USP15: variants seen among roughly 807,000 people sequenced by gnomAD.
USP15 encodes ubiquitin specific peptidase 15, also known as ubiquitin carboxyl-terminal hydrolase 15.
In USP15, 18 loss-of-function variants were observed where a neutral mutation model predicts 127.1. The observed-to-expected ratio is 0.14, with a 90% CI of 0.10 to 0.21. The LOEUF (loss-of-function observed/expected upper bound fraction) is 0.21. USP15 is among the 10% of genes least tolerant of loss of function. The probability of loss-of-function intolerance (pLI) is 1.00; values close to 1 mark genes in which losing one functional copy is unlikely to be tolerated. For missense variants in USP15, 805 were observed against 1,159.9 expected (o/e 0.69, Z 4.44); for synonymous variants, 364 against 393.7 (o/e 0.92, Z 0.89).
At chr12:62,293,931 G>T (rs569475250) in intron 1 of USP15, among the ~76,000 whole-genome samples, 2 of 151,974 alleles carry the variant, frequency 1.3e-5, no homozygotes, top group East Asian at 3.9e-4. Flanking sequence ...GCATTTTCTT[G>T]AATACGTATA....
intron 6 of USP15, chr12:62,335,213 C>A (rs746162888): frequency 1.3e-6 from 2 of 1,535,476 alleles, no homozygotes; most frequent in South Asian, 1.2e-5. Context: ...TTTCCACATA[C>A]GTCACAGAAA....
At chr12:62,295,213 A>T (rs1441108770) in intron 2 of USP15, among the ~76,000 whole-genome samples, 5 of 152,234 alleles carry the variant, frequency 3.3e-5, no homozygotes, top group African/African-American at 1.2e-4. Flanking sequence ...CCAAGGTCAG[A>T]CAAGGTACCA....
At chr12:62,395,280 G>C (rs2067451723) in intron 19 of USP15, among the ~76,000 whole-genome samples, 1 of 152,094 alleles carries the variant, frequency 6.6e-6, no homozygotes, top group African/African-American at 2.4e-5. Context: ...AGTGATGACT[G>C]TTTTTCCTGG....
At chr12:62,401,518 A>G (rs1283996998) in intron 21 of USP15, among the ~76,000 whole-genome samples, 1 of 152,012 alleles carries the variant, frequency 6.6e-6, no homozygotes. Flanking sequence ...AGTTTTCAAC[A>G]TGGAGTTTCT....
chr12:62,294,409 A>G (rs1592519549), intron 2 of USP15, 103 bp downstream of exon 2: 9 of 1,357,770 alleles, frequency 6.6e-6, no homozygotes, highest in Non-Finnish European at 9.0e-6. Context: ...TAAGTTGATA[A>G]AGTTTTGCAT....
At position 62,391,818 on chromosome 12, in the gene USP15, A is replaced by G; in HGVS notation, c.2236A>G (p.Arg746Gly). The G allele has an allele frequency of 6.2e-7, 1 of 1,604,680 alleles. No individual in the cohort carries two copies. ...AAAAAATATGTTTTCCACCTTAGAA[A>G]GATCTTTTCTTGCTTTGGATTGGGA... ...FDDRQLRLDE[R>G]SFLALDWDPD... The change falls in exon 17 of 22, where the codon AGA (arginine) becomes GGA (glycine). Residue 746 changes from arginine to glycine, a missense_variant and splice_region_variant. Coordinates refer to ENST00000280377, the MANE Select transcript of USP15 (RefSeq NM_001252078.2).
chr12:62,298,700 T>C (rs2064208935), intron 2 of USP15, among the ~76,000 whole-genome samples: 1 of 151,598 alleles, frequency 6.6e-6, no homozygotes, highest in Non-Finnish European at 1.5e-5. Flanking sequence ...GGTGGTGGCA[T>C]ACACCTGTAG....
At chr12:62,368,879 G>A (rs1169568790) in intron 8 of USP15, among the ~76,000 whole-genome samples, 8 of 152,168 alleles carry the variant, frequency 5.3e-5, no homozygotes, top group Admixed American at 4.6e-4. Context: ...CCCATTGGTT[G>A]ATGCTGTTTT....
intron 1 of USP15, among the ~76,000 whole-genome samples, chr12:62,288,751 T>A (rs1393275138): frequency 2.0e-5 from 3 of 152,186 alleles, no homozygotes; most frequent in African/African-American, 7.2e-5. Context: ...CTTTTATTAT[T>A]TTGAGATATG....
intron 6 of USP15, among the ~76,000 whole-genome samples, chr12:62,348,338 C>T (rs528477759): frequency 9.9e-5 from 15 of 152,082 alleles, no homozygotes; most frequent in Non-Finnish European, 2.2e-4. Context: ...CACCTAAAAG[C>T]AAATTTTGTA....
At chr12:62,395,526 A>G (rs2067460011) in intron 19 of USP15, among the ~76,000 whole-genome samples, 1 of 151,892 alleles carries the variant, frequency 6.6e-6, no homozygotes, top group African/African-American at 2.4e-5. Flanking sequence ...AGTTATTTTT[A>G]AATGTATAAT....
intron 1 of USP15, among the ~76,000 whole-genome samples, chr12:62,276,940 T>C (rs1482622560): frequency 9.9e-5 from 15 of 152,176 alleles, no homozygotes. Context: ...GTGTTTGTAA[T>C]TAGTTTTCTT....
intron 8 of USP15, among the ~76,000 whole-genome samples, chr12:62,361,943 TA>T (rs374180834): frequency 7.9e-5 from 12 of 152,206 alleles, no homozygotes; most frequent in African/African-American, 2.6e-4. Flanking sequence ...AAACCCATAT[TA>T]AAACATTAAC....
chr12:62,264,362 C>T (rs527510029), intron 1 of USP15, among the ~76,000 whole-genome samples: 3 of 152,296 alleles, frequency 2.0e-5, no homozygotes, highest in Admixed American at 6.5e-5. Context: ...AGCACTGCTT[C>T]GTTTCCACCA....
intron 1 of USP15, among the ~76,000 whole-genome samples, chr12:62,288,625 A>G (rs1379689250): frequency 6.6e-6 from 1 of 152,166 alleles, no homozygotes; most frequent in East Asian, 1.9e-4. Context: ...GACTTTTAGT[A>G]CTATACTGAA....
At chr12:62,309,867 G>A (rs528840321) in intron 3 of USP15, among the ~76,000 whole-genome samples, 61 of 151,514 alleles carry the variant, frequency 4.0e-4, no homozygotes, top group Non-Finnish European at 7.5e-4. Context: ...AGAAAACTAG[G>A]ACTAGAAATC....
At chr12:62,364,643 A>G (rs747920910) in intron 8 of USP15, among the ~76,000 whole-genome samples, 2 of 152,020 alleles carry the variant, frequency 1.3e-5, no homozygotes, top group Non-Finnish European at 2.9e-5. Flanking sequence ...ACACGTGCCA[A>G]GGTGGTTTGC....
intron 5 of USP15, among the ~76,000 whole-genome samples, chr12:62,323,871 A>G (rs1171226031): frequency 6.6e-6 from 1 of 152,154 alleles, no homozygotes; most frequent in Non-Finnish European, 1.5e-5. Flanking sequence ...AAATAATTTA[A>G]TAAGATTAAG....
Position 62,408,914 on chromosome 12 carries a change from A to G in USP15, c.*4539A>G, listed in dbSNP as rs552851875. The G allele has an allele frequency of 2.0e-5, 3 of 152,262 alleles. No homozygotes were observed. Among genetic ancestry groups the G allele is most frequent in the East Asian group, 3.9e-4 (2 of 5,190 alleles). The allele number at this position is 152,262 out of a possible 1,614,324, so 9.4% of individuals were successfully genotyped here. Reference sequence around the variant, plus strand: ...TTAAAAGAATTTCCAAATAGCTCAGATAAGAAAACTTTGGTTTAAAATTGA... The same window carrying G: ...TTAAAAGAATTTCCAAATAGCTCAGGTAAGAAAACTTTGGTTTAAAATTGA... On this transcript the variant is annotated 3_prime_UTR_variant, in exon 22 of 22. Transcript: ENST00000280377.
Sources: gnomAD v4.1 joint callset for allele counts (sites outside exome capture counted in the v4.1 genomes callset) on GRCh38, gnomAD v4.1.1 for gene constraint, MANE v1.5 for transcripts, NCBI Gene and HGNC (gene_info 2026-07-23, HGNC 2026-07-21) for gene names.